CAPN10: variants seen among roughly 807,000 people sequenced by gnomAD.
CAPN10 encodes calpain-10.
CAPN10 carries 71 observed loss-of-function variants against 78.4 expected under a neutral mutation model. The observed-to-expected ratio is 0.91, with a 90% CI of 0.75 to 1.10. CAPN10 has a LOEUF of 1.10. Ranked by LOEUF, CAPN10 falls within the 50% of genes least tolerant of loss-of-function variation. The pLI is 0.00. For missense variants in CAPN10, 849 were observed against 924.6 expected (o/e 0.92, Z 1.06); for synonymous variants, 437 against 407.2 (o/e 1.07, Z -0.88).
rs2093147649 is a variant in CAPN10, at chr2:240,597,936, G to A, written c.1792G>A (p.Glu598Lys). The A allele has an allele frequency of 6.2e-7, 1 of 1,612,300 alleles. No homozygotes were observed. Among genetic ancestry groups the A allele is most frequent in the African/African-American group, 1.3e-5 (1 of 74,898 alleles). ...SQDAPPLLLQEPLLSCVPHRY... is the reference protein window; with the variant it reads ...SQDAPPLLLQKPLLSCVPHRY... Reference sequence around the variant, plus strand: ...GGACGCACCCCCACTGCTGCTGCAGGAGCCGCTGCTGAGCTGCGTGCCACA... The same window carrying A: ...GGACGCACCCCCACTGCTGCTGCAGAAGCCGCTGCTGAGCTGCGTGCCACA... Residue 598 changes from glutamate to lysine, a missense_variant, in exon 10 of 12, where the codon GAG becomes AAG. Glu to Lys is a moderately conservative substitution (Grantham distance 56). Transcript: ENST00000391984.
Position 240,586,942 on chromosome 2 carries a change from AG to A in CAPN10, c.34del (p.Glu12SerfsTer54). ...GGCGGGCCGGGGCGCGACGCCGGCG[AG>A]GGAGCTGTTCCGGGACGCCGCCTTC... Reference protein sequence around the residue: MRAGRGATPARELFRDAAFPA... With the variant: MRAGRGATPAXELFRDAAFPA... On this transcript the variant is annotated frameshift_variant, in exon 1 of 12. Transcript: ENST00000391984. LOFTEE classifies it high-confidence loss of function. 6.8e-7 allele frequency: 1 copy of A among 1,460,830 alleles called. No homozygotes were observed. 90.5% of individuals were successfully genotyped at this position (1,460,830 alleles called of 1,614,324 possible). A position where few individuals can be genotyped will look rare whatever the true frequency, so the allele number is the denominator to read the frequency against.
At chr2:240,591,053 G>A (rs769143181) in intron 3 of CAPN10, 42 bp downstream of exon 3, 42 of 1,576,688 alleles carry the variant, frequency 2.7e-5, no homozygotes, top group Non-Finnish European at 6.9e-6. Flanking sequence ...TGGGGCAAGT[G>A]GGAGCTGCCA....
intron 5 of CAPN10, 175 bp from the exon 6 acceptor site, chr2:240,594,368 G>T (rs960538541): frequency 4.1e-5 from 29 of 699,782 alleles, no homozygotes; most frequent in Non-Finnish European, 6.9e-5. Context: ...CTGCCCAGAA[G>T]GCCCTGTGCT....
chr2:240,591,948 C>A lies in CAPN10; in HGVS notation c.486C>A (p.Tyr162Ter), dbSNP rs140653709. ...EKVYAKVHGS[Y>*]EHLWAGQVAD... Reference sequence around the variant, plus strand: ...TGTCCCCTAGGGTCCATGGGTCCTACGAGCACCTGTGGGCCGGGCAGGTGG... The same window carrying A: ...TGTCCCCTAGGGTCCATGGGTCCTAAGAGCACCTGTGGGCCGGGCAGGTGG... Residue 162 changes from tyrosine to a stop codon, truncating the protein, a stop_gained, in exon 4 of 12, where the codon TAC (tyrosine) becomes TAA (stop). Coordinates refer to ENST00000391984, the MANE Select transcript of CAPN10 (RefSeq NM_023083.4). LOFTEE classifies it high-confidence loss of function. 7.4e-6 allele frequency: 12 copies of A among 1,613,122 alleles called. No homozygotes were observed.
Position 240,596,945 on chromosome 2 carries a change from A to G in CAPN10, c.1743+3A>G. 6.2e-7 allele frequency: 1 copy of G among 1,613,426 alleles called. No homozygotes were observed. Among genetic ancestry groups the G allele is most frequent in the Non-Finnish European group, 8.5e-7 (1 of 1,180,018 alleles). On this transcript the variant is annotated splice_donor_region_variant and intron_variant, in intron 9 of 11. Coordinates refer to ENST00000391984, the MANE Select transcript of CAPN10 (RefSeq NM_023083.4). The stretch of plus-strand genomic sequence containing the variant: ...CCATCGGCTTCCATATCTTCCAGGC[A>G]AGCTCCTTGCCCCAGGGAGGGAGGG...
intron 4 of CAPN10, 96 bp from the exon 5 acceptor site, chr2:240,593,810 G>A (rs372383722): frequency 7.0e-7 from 1 of 1,421,750 alleles, no homozygotes; most frequent in Non-Finnish European, 9.5e-7. Context: ...GTGGGCTGGA[G>A]CATCTCCAGA....
Position 240,598,882 on chromosome 2 carries a change from G to T in CAPN10, c.*202G>T, listed in dbSNP as rs1052457947. ...GCAGCCCTGGGGGCCAGCTGGTGCT[G>T]CAAGGAAGGGTGGGAAGCTTGCTGG... On this transcript the variant is annotated 3_prime_UTR_variant, in exon 12 of 12. Transcript: ENST00000391984. 3.3e-6 allele frequency: 2 copies of T among 603,828 alleles called. No homozygotes were observed. The highest frequency in any genetic ancestry group is 6.0e-6 in the Non-Finnish European group (2 of 331,396). 37.4% of individuals were successfully genotyped at this position (603,828 alleles called of 1,614,324 possible). A position where few individuals can be genotyped will look rare whatever the true frequency, so the allele number is the denominator to read the frequency against.
chr2:240,589,557 C>G lies in CAPN10; in HGVS notation c.273+83C>G, dbSNP rs189777246. The G allele has an allele frequency of 5.6e-5, 84 of 1,491,662 alleles. No homozygotes were observed. The Middle Eastern group carries it at 1.2e-3, about 22-fold the overall frequency. The allele number at this position is 1,491,662 out of a possible 1,614,324, so 92.4% of individuals were successfully genotyped here. Reference sequence around the variant, plus strand: ...GCCTGCTGAGTACCAGGAGGCCTTGCGAAAGCAGAGCTGTGCCGCAGCCGG... The same window carrying G: ...GCCTGCTGAGTACCAGGAGGCCTTGGGAAAGCAGAGCTGTGCCGCAGCCGG... On this transcript the variant is annotated intron_variant, in intron 2 of 11. Transcript: ENST00000391984.
intron 7 of CAPN10, chr2:240,595,992 G>A (rs1251589548): frequency 1.4e-6 from 2 of 1,415,152 alleles, no homozygotes; most frequent in Admixed American, 2.1e-5. Context: ...CCCACATGAT[G>A]TTCCTTTCCT....
intron 4 of CAPN10, 64 bp from the exon 5 acceptor site, chr2:240,593,842 G>A: frequency 2.0e-6 from 3 of 1,524,926 alleles, no homozygotes; most frequent in Non-Finnish European, 2.7e-6. Context: ...AGGCCTGTGT[G>A]TCCTTGTCAG....
At chr2:240,588,487 C>T (rs893694257) in intron 1 of CAPN10, among the ~76,000 whole-genome samples, 1 of 152,118 alleles carries the variant, frequency 6.6e-6, no homozygotes, top group Non-Finnish European at 1.5e-5. Context: ...TGCGGCCTCA[C>T]AGAAGCTGAG....
At position 240,596,477 on chromosome 2, in the gene CAPN10, G is replaced by T; in HGVS notation, c.1437G>T (p.Gly479=). 6.2e-7 allele frequency: 1 copy of T among 1,612,716 alleles called. No individual in the cohort carries two copies. Among genetic ancestry groups the T allele is most frequent in the Non-Finnish European group, 8.5e-7 (1 of 1,179,186 alleles). ...GCACCTTCCTGAAGGACGCGCCAGG[G>T]GAGTTCCTGCTCCGAGTCTTCTCTA... is the stretch of plus-strand genomic sequence containing the variant. ...VPSTFLKDAP[G]EFLLRVFSTG... The change falls in exon 8 of 12, where the codon GGG becomes GGT. Residue 479 remains glycine (G), a synonymous_variant. Coordinates refer to ENST00000391984, the MANE Select transcript of CAPN10 (RefSeq NM_023083.4).
chr2:240,596,627 T>C (rs2093138563), intron 8 of CAPN10, 54 bp from the exon 9 acceptor site: 5 of 1,532,340 alleles, frequency 3.3e-6, no homozygotes, highest in African/African-American at 1.4e-5. Flanking sequence ...ATGTGGGAAC[T>C]GAGGCCACCG....
chr2:240,586,924 CG>C lies in CAPN10; in HGVS notation c.17del (p.Gly6AlafsTer60). The C allele has an allele frequency of 6.9e-7, 1 of 1,442,090 alleles. No homozygotes were observed. Among genetic ancestry groups the C allele is most frequent in the Non-Finnish European group, 9.1e-7 (1 of 1,099,376 alleles). The allele number at this position is 1,442,090 out of a possible 1,614,324, so 89.3% of individuals were successfully genotyped here. MRAG[R>X]GATPARELFR... ...CGCGGAGCCGAGGATGCGGGCGGGC[CG>C]GGGCGCGACGCCGGCGAGGGAGCTG... is the stretch of plus-strand genomic sequence containing the variant. On this transcript the variant is annotated frameshift_variant, in exon 1 of 12. Transcript: ENST00000391984. LOFTEE classifies it high-confidence loss of function.
At chr2:240,596,963 A>AG in intron 9 of CAPN10, 21 bp downstream of exon 9, 1 of 1,613,130 alleles carries the variant, frequency 6.2e-7, no homozygotes, top group Non-Finnish European at 8.5e-7. Flanking sequence ...TGCCCCAGGG[A>AG]GGGAGGGGGA....
rs996443228 is a variant in CAPN10, at chr2:240,589,238, C to T, written c.142-105C>T. 4.8e-5 allele frequency: 70 copies of T among 1,461,362 alleles called. No individual in the cohort carries two copies. In the East Asian group the frequency reaches 5.7e-4, roughly 12 times the overall value. The allele number at this position is 1,461,362 out of a possible 1,614,324, so 90.5% of individuals were successfully genotyped here. ...TCCCTTTTTGGGTAACACTGATGAT[C>T]GGAAAAGCTCCACCCCAACTCCTGT... On this transcript the variant is annotated intron_variant, in intron 1 of 11. Transcript: ENST00000391984.
At chr2:240,595,838 G>T in intron 7 of CAPN10, 1 of 831,624 alleles carries the variant, frequency 1.2e-6, no homozygotes, top group Non-Finnish European at 1.8e-6. Flanking sequence ...AGGAAGAACA[G>T]ATGGGGGCGC....
chr2:240,595,414 G>T (rs2093130669), intron 7 of CAPN10, 110 bp downstream of exon 7: 3 of 1,190,432 alleles, frequency 2.5e-6, no homozygotes, highest in Non-Finnish European at 3.5e-6. Context: ...TCTGCCACGG[G>T]CCCCACCAGT....
At chr2:240,597,321 A>T (rs1301341848) in intron 9 of CAPN10, among the ~76,000 whole-genome samples, 1 of 152,162 alleles carries the variant, frequency 6.6e-6, no homozygotes, top group African/African-American at 2.4e-5. Flanking sequence ...CAGGAGTGAG[A>T]GGAGGGGAGG....
Sources: allele counts gnomAD v4.1 joint callset (sites outside exome capture counted in the v4.1 genomes callset), GRCh38; gene constraint gnomAD v4.1.1; transcripts MANE v1.5; gene names NCBI Gene and HGNC (gene_info 2026-07-23, HGNC 2026-07-21).